The following KLRF1 variants were observed in gnomAD, a reference collection of about 807,000 sequenced individuals.
The protein encoded by KLRF1 is killer cell lectin like receptor F1.
Under a neutral mutation model 30.7 loss-of-function variants are expected in KLRF1, and 27 were observed. That is an observed-to-expected ratio of 0.88 (90% confidence interval 0.65 to 1.21). The LOEUF (loss-of-function observed/expected upper bound fraction) is 1.21, where lower values mean the gene tolerates loss of function less well. Ranked by LOEUF, KLRF1 falls within the 50% of genes most tolerant of loss-of-function variation. KLRF1 has a pLI of 0.00. For missense variants in KLRF1, 246 were observed against 259.3 expected (o/e 0.95, Z 0.35); for synonymous variants, 92 against 89.3 (o/e 1.03, Z -0.17).
intron 3 of KLRF1, among the ~76,000 whole-genome samples, chr12:9,835,196 ATGTACC>A (rs1279360636): frequency 1.3e-5 from 2 of 152,140 alleles, no homozygotes; most frequent in African/African-American, 4.8e-5. Context: ...ACTAGTGTGC[ATGTACC>A]TGTCCAATTA....
At chr12:9,833,475 A>C in intron 3 of KLRF1, 23 bp downstream of exon 3, 1 of 1,564,096 alleles carries the variant, frequency 6.4e-7, no homozygotes, top group Non-Finnish European at 8.6e-7. Flanking sequence ...GCTTTGGCTT[A>C]TCCTAGTTTT....
Position 9,833,397 on chromosome 12 carries a change from A to G in KLRF1, c.279A>G (p.Thr93=). 5 of 1,612,548 alleles carry G rather than the reference A, an allele frequency of 3.1e-6. No individual in the cohort carries two copies. Among genetic ancestry groups the G allele is most frequent in the Non-Finnish European group, 4.2e-6 (5 of 1,179,156 alleles). Reference sequence around the variant, plus strand: ...GAGATCTAAAAGTGAATAATGGCACAAGAAGAAATATAAGTAATAAGGACC... The same window carrying G: ...GAGATCTAAAAGTGAATAATGGCACGAGAAGAAATATAAGTAATAAGGACC... ...DTGDLKVNNG[T]RRNISNKDLC... Residue 93 remains threonine, a synonymous_variant, in exon 3 of 6, where the codon ACA becomes ACG. Transcript: ENST00000617889.
At chr12:9,817,417 CT>C in the KLRF1 span, 2 of 416,790 alleles carry the variant, frequency 4.8e-6, no homozygotes, top group Non-Finnish European at 9.2e-6. Flanking sequence ...TCTCTGGTAG[CT>C]TTTTATCACA....
At chr12:9,814,995 T>C in the KLRF1 span, among the ~76,000 whole-genome samples, 1 of 152,154 alleles carries the variant, frequency 6.6e-6, no homozygotes, top group Non-Finnish European at 1.5e-5. Flanking sequence ...ATTTGAAGTG[T>C]TCCCAACACA....
At chr12:9,823,928 C>A (rs1867253734), upstream of KLRF1, among the ~76,000 whole-genome samples, 1 of 152,056 alleles carries the variant, frequency 6.6e-6, no homozygotes, top group Admixed American at 6.6e-5. Context: ...CAACACCGAA[C>A]CAGGGGGAAA....
chr12:9,832,835 T>C (rs1280407912), intron 2 of KLRF1, among the ~76,000 whole-genome samples: 1 of 152,172 alleles, frequency 6.6e-6, no homozygotes, highest in Non-Finnish European at 1.5e-5. Context: ...CCAGCAAATA[T>C]TCACCGAGCA....
At chr12:9,820,385 G>A in the KLRF1 span, among the ~76,000 whole-genome samples, 3 of 152,294 alleles carry the variant, frequency 2.0e-5, no homozygotes, top group South Asian at 2.1e-4. Flanking sequence ...CTCGCTGGGC[G>A]GGTCTTCTCA....
At chr12:9,835,714 G>A (rs770405588) in intron 3 of KLRF1, among the ~76,000 whole-genome samples, 1 of 152,256 alleles carries the variant, frequency 6.6e-6, no homozygotes, top group East Asian at 1.9e-4. Flanking sequence ...GGAACATGGA[G>A]AAGGTGAAGG....
intron 5 of KLRF1, among the ~76,000 whole-genome samples, chr12:9,843,389 T>C (rs1165114244): frequency 6.6e-6 from 1 of 152,218 alleles, no homozygotes; most frequent in Non-Finnish European, 1.5e-5. Context: ...TAATTTGTCA[T>C]AGTAGTGATA....
chr12:9,817,549 T>G, the KLRF1 span: 1 of 349,184 alleles, frequency 2.9e-6, no homozygotes, highest in South Asian at 2.7e-5. Flanking sequence ...CCAGGGACTT[T>G]GCGCTTATGA....
chr12:9,840,821 A>G (rs773277708), intron 3 of KLRF1, among the ~76,000 whole-genome samples: 7 of 152,086 alleles, frequency 4.6e-5, no homozygotes, highest in Admixed American at 6.6e-5. Flanking sequence ...GAGGGTGTGG[A>G]GAAAAAGGAA....
At chr12:9,837,027 C>T (rs1269560946) in intron 3 of KLRF1, among the ~76,000 whole-genome samples, 1 of 151,996 alleles carries the variant, frequency 6.6e-6, no homozygotes, top group Non-Finnish European at 1.5e-5. Flanking sequence ...ATGTTTAGAA[C>T]CTTCAAACGT....
At chr12:9,808,883 A>G in the KLRF1 span, among the ~76,000 whole-genome samples, 1 of 152,172 alleles carries the variant, frequency 6.6e-6, no homozygotes, top group South Asian at 2.1e-4. Flanking sequence ...ACAGAATGCT[A>G]TAATATCTAC....
chr12:9,822,784 C>T (rs1228404316), upstream of KLRF1, among the ~76,000 whole-genome samples: 2 of 151,402 alleles, frequency 1.3e-5, no homozygotes, highest in Admixed American at 1.3e-4. Flanking sequence ...ATCTAACAAG[C>T]AAATGAAAAT....
At position 9,841,886 on chromosome 12, in the gene KLRF1, G is replaced by A; in HGVS notation, c.409G>A (p.Asp137Asn). The A allele has an allele frequency of 1.9e-6, 3 of 1,611,466 alleles. No homozygotes were observed. Among genetic ancestry groups the A allele is most frequent in the Non-Finnish European group, 2.5e-6 (3 of 1,178,104 alleles). ...WFSNEMKSWS[D>N]SYVYCLERKS... Reference sequence around the variant, plus strand: ...CTCTAATGAGATGAAAAGCTGGAGTGACAGTTATGTGTATTGTTTGGAAAG... The same window carrying A: ...CTCTAATGAGATGAAAAGCTGGAGTAACAGTTATGTGTATTGTTTGGAAAG... The change falls in exon 4 of 6, where the codon GAC becomes AAC. Residue 137 changes from aspartate to asparagine, a missense_variant. Asp to Asn is a conservative substitution (Grantham distance 23). Coordinates refer to ENST00000617889, the MANE Select transcript of KLRF1 (RefSeq NM_016523.3).
chr12:9,824,663 G>T (rs1175209979), upstream of KLRF1, among the ~76,000 whole-genome samples: 1 of 152,122 alleles, frequency 6.6e-6, no homozygotes, highest in Non-Finnish European at 1.5e-5. Context: ...TAGGAAGAGA[G>T]GACGTAAAAC....
chr12:9,837,951 C>T (rs754079627), intron 3 of KLRF1, among the ~76,000 whole-genome samples: 8 of 152,162 alleles, frequency 5.3e-5, no homozygotes, highest in Non-Finnish European at 1.0e-4. Context: ...CAGCCAGGCC[C>T]CTGCTTCAGG....
the KLRF1 span, chr12:9,817,322 G>A: frequency 4.3e-6 from 1 of 234,046 alleles, no homozygotes; most frequent in Non-Finnish European, 9.0e-6. Flanking sequence ...ATAACCTTAA[G>A]AATTCTGCCT....
At chr12:9,801,534 G>T in the KLRF1 span, among the ~76,000 whole-genome samples, 2 of 151,772 alleles carry the variant, frequency 1.3e-5, no homozygotes, top group African/African-American at 4.8e-5. Flanking sequence ...TTTAATAATC[G>T]CCATTCTGAA....
Sources: allele counts gnomAD v4.1 joint callset (sites outside exome capture counted in the v4.1 genomes callset), GRCh38; gene constraint gnomAD v4.1.1; transcripts MANE v1.5; gene names NCBI Gene and HGNC (gene_info 2026-07-23, HGNC 2026-07-21).